The following SGCD variants were observed in gnomAD, a reference collection of about 807,000 sequenced individuals.
The protein encoded by SGCD is delta-sarcoglycan.
SGCD carries 18 observed loss-of-function variants against 36.6 expected under a neutral mutation model. The ratio of observed to expected loss-of-function variants is 0.49; its 90% confidence interval spans 0.34 to 0.73. SGCD has a LOEUF of 0.73. Among genes scored for constraint, SGCD ranks in the 30% least tolerant of loss-of-function variants. The pLI, the probability that SGCD is intolerant of heterozygous loss-of-function variation, is 0.01. For synonymous variants in SGCD, 133 were observed against 130.6 expected, an observed-to-expected ratio of 1.02 and a Z score of -0.12; for missense variants, 387 against 346.7, an observed-to-expected ratio of 1.12 and a Z score of -0.92.
Position 156,037,779 on chromosome 5 carries a change from G to A in SGCD, c.-281-80099G>A, listed in dbSNP as rs561045044. On this transcript the variant is annotated intron_variant, in intron 1 of 9. Coordinates refer to the SGCD transcript ENST00000517913. ...ATTCCCTGCCAATGTAGACAGACTA[G>A]GCTATCTAGAAAGAAATTCCCTGGG... is the stretch of plus-strand genomic sequence containing the variant. 6.0e-4 allele frequency among the ~76,000 whole-genome samples: 91 copies of A among 152,268 alleles called. 1 individual carries two copies. Among genetic ancestry groups the A allele is most frequent in the African/African-American group, 2.1e-3 (87 of 41,566 alleles).
chr5:156,746,925 TAAAG>T (rs59499505), intron 7 of SGCD, among the ~76,000 whole-genome samples: 19,049 of 151,906 alleles, frequency 0.13, 2,472 homozygotes, highest in African/African-American at 0.33. Flanking sequence ...TAAAAAATGA[TAAAG>T]AAACTCATAG....
chr5:156,462,233 T>C (rs1754517538), intron 3 of SGCD, among the ~76,000 whole-genome samples: 1 of 152,212 alleles, frequency 6.6e-6, no homozygotes, highest in African/African-American at 2.4e-5. Context: ...CTGTGAAATG[T>C]TATGTTTCTA....
intron 1 of SGCD, among the ~76,000 whole-genome samples, chr5:155,996,938 C>T (rs540664335): frequency 3.3e-5 from 5 of 149,936 alleles, no homozygotes; most frequent in African/African-American, 1.0e-4. Flanking sequence ...GACAGACAGA[C>T]AGACAGATAG....
intron 3 of SGCD, among the ~76,000 whole-genome samples, chr5:156,434,884 T>A (rs1753179170): frequency 6.6e-6 from 1 of 152,198 alleles, no homozygotes; most frequent in South Asian, 2.1e-4. Flanking sequence ...AGGAGAAAAT[T>A]GGCTCAGTCA....
Position 156,030,745 on chromosome 5 carries a change from G to T in SGCD, c.-281-87133G>T, listed in dbSNP as rs1270832602. On this transcript the variant is annotated intron_variant, in intron 1 of 9. Transcript: ENST00000517913. ...CTATTGAGAGAAGTTTCATGGGGGG[G>T]CCCTGGGTCTTGAGAGTGAGCAGGG... Among the ~76,000 whole-genome samples the T allele has an allele frequency of 2.6e-5, 4 of 152,074 alleles. No individual in the cohort carries two copies. In the East Asian group the frequency reaches 7.7e-4, roughly 29 times the overall value.
At chr5:156,479,809 A>T (rs1022517183) in intron 3 of SGCD, among the ~76,000 whole-genome samples, 1 of 152,194 alleles carries the variant, frequency 6.6e-6, no homozygotes, top group Non-Finnish European at 1.5e-5. Flanking sequence ...TGTTGACACA[A>T]ATCACCCATT....
Position 156,320,015 on chromosome 5 carries a change from T to C in SGCD, c.-43-9519T>C, listed in dbSNP as rs149723089. Among the ~76,000 whole-genome samples the C allele has an allele frequency of 9.2e-5, 14 of 152,338 alleles. No homozygotes were observed. The East Asian group carries it at 2.7e-3, about 29-fold the overall frequency. Reference sequence around the variant, plus strand: ...GTGGATTTGCTCAATTATGTCTCTTTCACATATCTAATAAACCCCTTATAA... The same window carrying C: ...GTGGATTTGCTCAATTATGTCTCTTCCACATATCTAATAAACCCCTTATAA... On this transcript the variant is annotated intron_variant, in intron 3 of 9. Transcript: ENST00000517913.
At chr5:156,176,977 A>G (rs112751609) in intron 3 of SGCD, among the ~76,000 whole-genome samples, 2,326 of 152,320 alleles carry the variant, frequency 0.015, 27 homozygotes, top group Non-Finnish European at 0.024. Flanking sequence ...TAAAACAAAC[A>G]AAAACAAATT....
intron 3 of SGCD, among the ~76,000 whole-genome samples, chr5:156,372,849 G>A (rs1770461830): frequency 6.6e-6 from 1 of 151,704 alleles, no homozygotes; most frequent in Non-Finnish European, 1.5e-5. Flanking sequence ...TGTCTTTCAG[G>A]ATCAAGGAGC....
At chr5:155,949,449 T>A (rs1180077258) in intron 1 of SGCD, among the ~76,000 whole-genome samples, 2 of 152,210 alleles carry the variant, frequency 1.3e-5, no homozygotes, top group African/African-American at 4.8e-5. Flanking sequence ...CATTATAGTG[T>A]TCCCTGTTCT....
chr5:156,548,159 C>T (rs1397078603), intron 4 of SGCD, among the ~76,000 whole-genome samples: 1 of 152,208 alleles, frequency 6.6e-6, no homozygotes, highest in Non-Finnish European at 1.5e-5. Context: ...ACCAGGAATC[C>T]TCTTTTTAGG....
intron 3 of SGCD, among the ~76,000 whole-genome samples, chr5:156,346,209 C>T (rs1463520617): frequency 5.4e-5 from 8 of 147,492 alleles, no homozygotes; most frequent in Non-Finnish European, 1.0e-4. Flanking sequence ...AACAGGAAAC[C>T]ATAAAAACAA....
At chr5:156,281,556 C>T (rs930888102) in intron 3 of SGCD, among the ~76,000 whole-genome samples, 1 of 152,146 alleles carries the variant, frequency 6.6e-6, no homozygotes, top group African/African-American at 2.4e-5. Context: ...CTAATTCCTA[C>T]TCCAGAGGAA....
chr5:155,875,779 A>T (rs1356011809), intron 1 of SGCD, among the ~76,000 whole-genome samples: 1 of 151,928 alleles, frequency 6.6e-6, no homozygotes, highest in East Asian at 1.9e-4. Context: ...AGCGAGTGAA[A>T]TCTCCTGATA....
chr5:155,786,640 G>A, the SGCD span, among the ~76,000 whole-genome samples: 8 of 152,086 alleles, frequency 5.3e-5, no homozygotes, highest in Admixed American at 2.6e-4. Context: ...AGCTGTCAGG[G>A]ACCACCATCG....
chr5:156,114,572 G>T (rs957248191), intron 1 of SGCD, among the ~76,000 whole-genome samples: 1 of 151,918 alleles, frequency 6.6e-6, no homozygotes, highest in Non-Finnish European at 1.5e-5. Context: ...TTATTTATTG[G>T]GTCAGAAAGG....
At chr5:156,266,128 A>G (rs987762359) in intron 3 of SGCD, among the ~76,000 whole-genome samples, 3 of 152,234 alleles carry the variant, frequency 2.0e-5, no homozygotes, top group African/African-American at 7.2e-5. Context: ...TACATATAAA[A>G]AGCTTGATCT....
chr5:156,403,519 G>T (rs1018385582), intron 3 of SGCD, among the ~76,000 whole-genome samples: 2 of 152,144 alleles, frequency 1.3e-5, no homozygotes, highest in African/African-American at 4.8e-5. Flanking sequence ...CTTTGGAGCT[G>T]CTGCTAAGGA....
intron 7 of SGCD, among the ~76,000 whole-genome samples, chr5:156,647,908 G>A (rs1192420514): frequency 6.6e-6 from 1 of 152,150 alleles, no homozygotes; most frequent in African/African-American, 2.4e-5. Context: ...ACAATACGAT[G>A]TCTTATTATG....
Sources: allele counts gnomAD v4.1 joint callset (sites outside exome capture counted in the v4.1 genomes callset), GRCh38; gene constraint gnomAD v4.1.1; transcripts MANE v1.5; gene names NCBI Gene and HGNC (gene_info 2026-07-23, HGNC 2026-07-21).